Variants in TENM4 observed in about 807,000 individuals in gnomAD.
The protein encoded by TENM4 is teneurin transmembrane protein 4, also known as teneurin-4.
A neutral mutation model predicts 243.3 loss-of-function variants in TENM4; 82 were observed. The ratio of observed to expected loss-of-function variants is 0.34; its 90% CI spans 0.28 to 0.40. The LOEUF (loss-of-function observed/expected upper bound fraction) is 0.40, where lower values mean the gene tolerates loss of function less well. Among genes scored for constraint, TENM4 ranks in the 10% least tolerant of loss-of-function variants. The pLI, the probability that TENM4 is intolerant of heterozygous loss-of-function variation, is 1.00. For missense variants in TENM4, 3,138 were observed against 3,673.3 expected (o/e 0.85, Z 3.77); for synonymous variants, 1,412 against 1,456.3 (o/e 0.97, Z 0.69).
chr11:79,279,878 C>G (rs1277384180), intron 2 of TENM4, among the ~76,000 whole-genome samples: 2 of 152,110 alleles, frequency 1.3e-5, no homozygotes, highest in East Asian at 3.9e-4. Flanking sequence ...GAGGTGTGAC[C>G]TTTGGGAGGT....
chr11:79,175,516 A>G (rs772233140), intron 3 of TENM4, among the ~76,000 whole-genome samples: 22 of 152,248 alleles, frequency 1.4e-4, no homozygotes, highest in Admixed American at 8.5e-4. Flanking sequence ...GCCTTACAAA[A>G]TAAGCCTAAG....
intron 25 of TENM4, among the ~76,000 whole-genome samples, chr11:78,716,934 G>T (rs761516840): frequency 6.6e-6 from 1 of 152,190 alleles, no homozygotes; most frequent in South Asian, 2.1e-4. Flanking sequence ...AGCATGAGAC[G>T]GAAGACGGCC....
At chr11:79,023,593 C>T (rs1208187235) in intron 6 of TENM4, among the ~76,000 whole-genome samples, 7 of 150,994 alleles carry the variant, frequency 4.6e-5, no homozygotes, top group Non-Finnish European at 8.8e-5. Context: ...ATGACTCTTT[C>T]TACAACTAGT....
intron 6 of TENM4, among the ~76,000 whole-genome samples, chr11:79,036,516 TGA>T (rs1181409726): frequency 6.6e-6 from 1 of 152,194 alleles, no homozygotes; most frequent in Non-Finnish European, 1.5e-5. Context: ...ACCACACTCC[TGA>T]GAGTGTGGCA....
intron 17 of TENM4, among the ~76,000 whole-genome samples, chr11:78,778,225 C>G (rs1856774394): frequency 6.7e-6 from 1 of 149,524 alleles, no homozygotes; most frequent in Non-Finnish European, 1.5e-5. Context: ...GGCCACCCAC[C>G]CTGGTTGCCA....
At chr11:79,323,579 G>T (rs1041026801) in intron 1 of TENM4, among the ~76,000 whole-genome samples, 2 of 152,174 alleles carry the variant, frequency 1.3e-5, no homozygotes, top group Non-Finnish European at 2.9e-5. Context: ...GTACCCAATC[G>T]CTTGGTCAAA....
At chr11:78,996,878 G>A (rs538078471) in intron 6 of TENM4, among the ~76,000 whole-genome samples, 1 of 152,178 alleles carries the variant, frequency 6.6e-6, no homozygotes, top group Non-Finnish European at 1.5e-5. Context: ...GCCGGGGCAT[G>A]GTTCCACCTT....
Position 78,665,560 on chromosome 11 carries a change from C to A in TENM4, c.7408+3377G>T, listed in dbSNP as rs111705146. Among the ~76,000 whole-genome samples, 365 of 152,348 alleles carry A rather than the reference C, an allele frequency of 2.4e-3. 3 individuals carry two copies. Among genetic ancestry groups the A allele is most frequent in the African/African-American group, 8.2e-3 (339 of 41,574 alleles). On this transcript the variant is annotated intron_variant, in intron 32 of 33. Coordinates refer to ENST00000278550, the MANE Select transcript of TENM4 (RefSeq NM_001098816.3). Reference sequence around the variant, plus strand: ...GTGTTGGGATTGCAGGCATGAGCCACAGCACCCAGCCAATAATCTCTTTCA... The same window carrying A: ...GTGTTGGGATTGCAGGCATGAGCCAAAGCACCCAGCCAATAATCTCTTTCA...
At chr11:78,789,989 G>T (rs752559011) in intron 15 of TENM4, among the ~76,000 whole-genome samples, 1 of 152,108 alleles carries the variant, frequency 6.6e-6, no homozygotes, top group African/African-American at 2.4e-5. Flanking sequence ...CACTTCAGAG[G>T]CTTCTTCCTA....
At chr11:79,133,148 C>G (rs1310563735) in intron 4 of TENM4, among the ~76,000 whole-genome samples, 1 of 152,024 alleles carries the variant, frequency 6.6e-6, no homozygotes, top group Non-Finnish European at 1.5e-5. Flanking sequence ...AATAACCTCA[C>G]TAAGAAACAA....
At chr11:79,213,950 A>T (rs1381289912) in intron 3 of TENM4, among the ~76,000 whole-genome samples, 1 of 152,096 alleles carries the variant, frequency 6.6e-6, no homozygotes, top group Non-Finnish European at 1.5e-5. Flanking sequence ...GCCTCAGTAA[A>T]TGTGACCCCA....
intron 1 of TENM4, among the ~76,000 whole-genome samples, chr11:79,333,816 G>T (rs542501354): frequency 7.2e-4 from 109 of 152,332 alleles, no homozygotes; most frequent in African/African-American, 2.5e-3. Flanking sequence ...AAGACTCAAA[G>T]AGGTGAAGTG....
At chr11:79,376,242 T>C (rs1857888431) in intron 1 of TENM4, among the ~76,000 whole-genome samples, 1 of 152,184 alleles carries the variant, frequency 6.6e-6, no homozygotes, top group Non-Finnish European at 1.5e-5. Context: ...CCTATGTGGA[T>C]GGAGGGATAT....
At chr11:79,240,737 G>A (rs1455622825) in intron 2 of TENM4, among the ~76,000 whole-genome samples, 2 of 152,044 alleles carry the variant, frequency 1.3e-5, no homozygotes, top group African/African-American at 4.8e-5. Flanking sequence ...TCTTAGCCTG[G>A]GGTCTTTTAA....
chr11:79,133,194 A>G (rs572559455), intron 4 of TENM4, among the ~76,000 whole-genome samples: 3 of 152,330 alleles, frequency 2.0e-5, no homozygotes, highest in African/African-American at 7.2e-5. Context: ...ACTGAAATAC[A>G]AAAGATCATC....
chr11:79,196,776 T>C (rs1397765016), intron 3 of TENM4, among the ~76,000 whole-genome samples: 2 of 152,134 alleles, frequency 1.3e-5, no homozygotes, highest in Non-Finnish European at 1.5e-5. Context: ...GCTGGAAGCC[T>C]CATTTTCTCT....
Position 78,888,506 on chromosome 11 carries a change from T to C in TENM4, c.1084+1279A>G, listed in dbSNP as rs181838460. Reference sequence around the variant, plus strand: ...TCATCTTCCTGGTCACTTATTTTTATAAAATTCAAGAATCTTGAGTGGAAT... The same window carrying C: ...TCATCTTCCTGGTCACTTATTTTTACAAAATTCAAGAATCTTGAGTGGAAT... On this transcript the variant is annotated intron_variant, in intron 9 of 33. Coordinates refer to ENST00000278550, the MANE Select transcript of TENM4 (RefSeq NM_001098816.3). Among the ~76,000 whole-genome samples, 4 of 152,348 alleles carry C rather than the reference T, an allele frequency of 2.6e-5. No individual in the cohort carries two copies. The East Asian group carries it at 5.8e-4, about 22-fold the overall frequency.
chr11:79,027,012 T>C (rs777282524), intron 6 of TENM4, among the ~76,000 whole-genome samples: 2 of 152,186 alleles, frequency 1.3e-5, no homozygotes, highest in Admixed American at 6.5e-5. Flanking sequence ...GGTGTTCTAA[T>C]ACTTCCTACT....
chr11:79,045,779 T>A (rs559681747), intron 6 of TENM4, among the ~76,000 whole-genome samples: 1 of 151,976 alleles, frequency 6.6e-6, no homozygotes, highest in East Asian at 1.9e-4. Flanking sequence ...CTTATCTTAG[T>A]GGGAAGAAAG....
Sources: gnomAD v4.1 joint callset for allele counts (sites outside exome capture counted in the v4.1 genomes callset) on GRCh38, gnomAD v4.1.1 for gene constraint, MANE v1.5 for transcripts, NCBI Gene and HGNC (gene_info 2026-07-23, HGNC 2026-07-21) for gene names.